The following ADCY2 variants were observed in gnomAD, a reference collection of about 807,000 sequenced individuals.
ADCY2 encodes adenylate cyclase 2.
A neutral mutation model predicts 125.2 loss-of-function variants in ADCY2; 31 were observed. The observed-to-expected ratio is 0.25, with a 90% CI of 0.19 to 0.33. The LOEUF is 0.33. Among genes scored for constraint, ADCY2 ranks in the 10% least tolerant of loss-of-function variants. The pLI, the probability that ADCY2 is intolerant of heterozygous loss-of-function variation, is 1.00. For missense variants in ADCY2, 904 were observed against 1,418.2 expected, an observed-to-expected ratio of 0.64 and a Z score of 5.82; for synonymous variants, 512 against 548.4, an observed-to-expected ratio of 0.93 and a Z score of 0.93.
intron 6 of ADCY2, among the ~76,000 whole-genome samples, chr5:7,697,855 A>G (rs1231701840): frequency 1.3e-5 from 2 of 152,172 alleles, no homozygotes; most frequent in Non-Finnish European, 2.9e-5. Flanking sequence ...TCTAATTTAT[A>G]CTGAGTGCTG....
intron 3 of ADCY2, among the ~76,000 whole-genome samples, chr5:7,540,709 G>A (rs754040334): frequency 5.3e-5 from 8 of 152,138 alleles, no homozygotes; most frequent in Admixed American, 1.3e-4. Flanking sequence ...TTCTTGTCCC[G>A]GCTGGGGTCT....
intron 4 of ADCY2, among the ~76,000 whole-genome samples, chr5:7,627,898 T>G (rs1738186759): frequency 6.6e-6 from 1 of 152,182 alleles, no homozygotes; most frequent in Non-Finnish European, 1.5e-5. Context: ...GAAAATATGG[T>G]TTGTTTTTAA....
At chr5:7,665,500 T>A (rs996171980) in intron 4 of ADCY2, among the ~76,000 whole-genome samples, 9 of 152,168 alleles carry the variant, frequency 5.9e-5, no homozygotes, top group Non-Finnish European at 1.3e-4. Context: ...TGCTGAGCAG[T>A]CCCACCTCAT....
At chr5:7,720,249 C>T (rs970586810) in intron 12 of ADCY2, among the ~76,000 whole-genome samples, 6 of 152,152 alleles carry the variant, frequency 3.9e-5, no homozygotes, top group African/African-American at 7.2e-5. Context: ...AATCAGCACA[C>T]ACGAATCTAT....
chr5:7,815,410 C>T (rs1179388268), intron 22 of ADCY2, among the ~76,000 whole-genome samples: 1 of 152,206 alleles, frequency 6.6e-6, no homozygotes, highest in East Asian at 1.9e-4. Flanking sequence ...GTCATTGAAA[C>T]CCCGAAGGCC....
intron 4 of ADCY2, among the ~76,000 whole-genome samples, chr5:7,665,396 A>T (rs1338616213): frequency 6.6e-6 from 1 of 152,088 alleles, no homozygotes; most frequent in South Asian, 2.1e-4. Context: ...TCAGCAGTGT[A>T]ATTTGTCAGC....
intron 23 of ADCY2, 36 bp from the exon 24 acceptor site, chr5:7,820,529 G>A (rs1745265395): frequency 6.2e-7 from 1 of 1,611,544 alleles, no homozygotes; most frequent in African/African-American, 1.3e-5. Flanking sequence ...ATGGTTATAA[G>A]ATGAATCTTG....
chr5:7,612,480 A>G (rs1175640022), intron 3 of ADCY2, among the ~76,000 whole-genome samples: 1 of 152,192 alleles, frequency 6.6e-6, no homozygotes, highest in Non-Finnish European at 1.5e-5. Flanking sequence ...TGAGCAAATG[A>G]GAGTGATGGT....
intron 3 of ADCY2, among the ~76,000 whole-genome samples, chr5:7,623,479 G>T (rs1259870457): frequency 6.6e-6 from 1 of 152,130 alleles, no homozygotes; most frequent in Non-Finnish European, 1.5e-5. Flanking sequence ...AGTATGGCAG[G>T]ACTTAATTGA....
chr5:7,801,635 G>A (rs1331004846), intron 20 of ADCY2: 2 of 152,226 alleles, frequency 1.3e-5, no homozygotes, highest in Non-Finnish European at 2.9e-5. Flanking sequence ...CATGTCTGTG[G>A]ATAAAGAACT....
At chr5:7,732,369 A>G (rs1742129031) in intron 14 of ADCY2, among the ~76,000 whole-genome samples, 3 of 152,164 alleles carry the variant, frequency 2.0e-5, no homozygotes, top group Non-Finnish European at 2.9e-5. Flanking sequence ...ACTTTATTCA[A>G]GAGTTCAGTT....
At chr5:7,598,096 G>A (rs1229363629) in intron 3 of ADCY2, among the ~76,000 whole-genome samples, 2 of 152,226 alleles carry the variant, frequency 1.3e-5, no homozygotes. Flanking sequence ...GCATGGTGTG[G>A]TGGAGTGCAT....
chr5:7,662,434 C>T (rs114075551), intron 4 of ADCY2, among the ~76,000 whole-genome samples: 169 of 152,330 alleles, frequency 1.1e-3, no homozygotes, highest in African/African-American at 3.9e-3. Flanking sequence ...GCATAGTGGC[C>T]ACCAGCACGG....
At chr5:7,447,992 G>A (rs1741334471) in intron 2 of ADCY2, among the ~76,000 whole-genome samples, 1 of 152,204 alleles carries the variant, frequency 6.6e-6, no homozygotes, top group Non-Finnish European at 1.5e-5. Flanking sequence ...CACAGACACG[G>A]TGACCAGAGG....
chr5:7,724,401 A>C (rs1741868171), intron 12 of ADCY2, 144 bp from the exon 13 acceptor site: 9 of 643,236 alleles, frequency 1.4e-5, no homozygotes, highest in East Asian at 8.4e-5. Context: ...GTTAGTTGGC[A>C]TCACGTGTTT....
intron 1 of ADCY2, among the ~76,000 whole-genome samples, chr5:7,400,884 G>T (rs1739238562): frequency 6.6e-6 from 1 of 152,200 alleles, no homozygotes; most frequent in African/African-American, 2.4e-5. Flanking sequence ...CAGGAAAGAT[G>T]GTTGCAATTT....
At chr5:7,601,091 T>C (rs1327679292) in intron 3 of ADCY2, among the ~76,000 whole-genome samples, 1 of 152,066 alleles carries the variant, frequency 6.6e-6, no homozygotes, top group African/African-American at 2.4e-5. Flanking sequence ...AAGCCTTCAG[T>C]GGATGATGTT....
At chr5:7,541,435 A>C (rs1734989130) in intron 3 of ADCY2, among the ~76,000 whole-genome samples, 1 of 152,218 alleles carries the variant, frequency 6.6e-6, no homozygotes, top group Non-Finnish European at 1.5e-5. Context: ...CTGTTTAATC[A>C]GGGGAATGTC....
At chr5:7,514,293 A>G (rs1744178579) in intron 2 of ADCY2, among the ~76,000 whole-genome samples, 1 of 152,090 alleles carries the variant, frequency 6.6e-6, no homozygotes. Flanking sequence ...CCTATCCATG[A>G]CCGTGATCTA....
Sources: allele counts gnomAD v4.1 joint callset (sites outside exome capture counted in the v4.1 genomes callset), GRCh38; gene constraint gnomAD v4.1.1; transcripts MANE v1.5; gene names NCBI Gene and HGNC (gene_info 2026-07-23, HGNC 2026-07-21).